TTC27: variants seen among roughly 807,000 people sequenced by gnomAD.
The protein encoded by TTC27 is tetratricopeptide repeat domain 27, also known as tetratricopeptide repeat protein 27.
A neutral mutation model predicts 115.9 loss-of-function variants in TTC27; 79 were observed. The ratio of observed to expected loss-of-function variants is 0.68; its 90% confidence interval spans 0.57 to 0.82. The LOEUF is 0.82. Among genes scored for constraint, TTC27 ranks in the 40% least tolerant of loss-of-function variants. TTC27 has a pLI of 0.00. For missense variants in TTC27, 1,054 were observed against 993.1 expected (o/e 1.06, Z -0.82); for synonymous variants, 401 against 356.0 (o/e 1.13, Z -1.42).
chr2:32,752,840 A>T (rs1669063802), intron 12 of TTC27, among the ~76,000 whole-genome samples: 1 of 152,114 alleles, frequency 6.6e-6, no homozygotes, highest in South Asian at 2.1e-4. Flanking sequence ...CTCTTTCATA[A>T]TCAGTGCCCT....
intron 14 of TTC27, 86 bp from the exon 15 acceptor site, chr2:32,782,540 C>G: frequency 8.6e-7 from 1 of 1,166,750 alleles, no homozygotes; most frequent in Non-Finnish European, 1.3e-6. Flanking sequence ...ATATATTGGA[C>G]TAGGAGAGTG....
At chr2:32,744,993 G>C (rs1303082092) in intron 12 of TTC27, among the ~76,000 whole-genome samples, 1 of 144,100 alleles carries the variant, frequency 6.9e-6, no homozygotes, top group Non-Finnish European at 1.5e-5. Flanking sequence ...GTTTGCAGTG[G>C]GCCAAGATCA....
At chr2:32,635,500 C>T (rs1321830624) in intron 3 of TTC27, among the ~76,000 whole-genome samples, 1 of 152,014 alleles carries the variant, frequency 6.6e-6, no homozygotes, top group Non-Finnish European at 1.5e-5. Context: ...GCCTGATCAA[C>T]ATGGTGAAAC....
rs3081615 is a variant in TTC27 at position 32,795,725 on chromosome 2, GTAT to G, written c.1998+8605_1998+8607del. ...ATGTCACCATGCCCGGCTAATTTTT[GTAT>G]TATTATTATTATTATTATTATTATT... On this transcript the variant is annotated intron_variant, in intron 16 of 19. Coordinates refer to ENST00000317907, the MANE Select transcript of TTC27 (RefSeq NM_017735.5). Among the ~76,000 whole-genome samples the G allele has an allele frequency of 8.0e-3, 1,104 of 138,676 alleles. 12 individuals carry two copies. Among genetic ancestry groups the G allele is most frequent in the African/African-American group, 0.028 (1,029 of 37,118 alleles). The allele number at this position is 138,676 out of a possible 152,430, so 91.0% of individuals were successfully genotyped here.
At chr2:32,716,657 A>G (rs758944024) in intron 10 of TTC27, among the ~76,000 whole-genome samples, 56 of 151,370 alleles carry the variant, frequency 3.7e-4, no homozygotes, top group Non-Finnish European at 5.6e-4. Flanking sequence ...TCTATATTCT[A>G]TTGGGTAATT....
intron 15 of TTC27, among the ~76,000 whole-genome samples, chr2:32,785,669 C>T (rs990506495): frequency 3.3e-5 from 5 of 152,176 alleles, no homozygotes; most frequent in Non-Finnish European, 5.9e-5. Flanking sequence ...GATCTCAGCG[C>T]ACTGCAACCT....
At chr2:32,764,128 C>G (rs1299452516) in intron 13 of TTC27, among the ~76,000 whole-genome samples, 1 of 152,086 alleles carries the variant, frequency 6.6e-6, no homozygotes, top group Non-Finnish European at 1.5e-5. Flanking sequence ...TTTTCCTTTA[C>G]TTTTGTCAGT....
chr2:32,728,779 T>TAA (rs1668197568), intron 10 of TTC27, among the ~76,000 whole-genome samples: 1 of 152,210 alleles, frequency 6.6e-6, no homozygotes, highest in African/African-American at 2.4e-5. Flanking sequence ...AGTTTAATGA[T>TAA]GGTGTTGATA....
chr2:32,652,183 C>T (rs1485844742), intron 5 of TTC27, among the ~76,000 whole-genome samples: 1 of 152,104 alleles, frequency 6.6e-6, no homozygotes, highest in Non-Finnish European at 1.5e-5. Flanking sequence ...ACCAGTCTGG[C>T]CAACATGGTG....
At chr2:32,715,623 GT>G (rs1667727665) in intron 10 of TTC27, among the ~76,000 whole-genome samples, 1 of 152,154 alleles carries the variant, frequency 6.6e-6, no homozygotes, top group African/African-American at 2.4e-5. Context: ...AAAATACCAT[GT>G]TTGTTACCGT....
chr2:32,673,456 A>C (rs1279408692), intron 8 of TTC27, among the ~76,000 whole-genome samples: 1 of 151,712 alleles, frequency 6.6e-6, no homozygotes, highest in Non-Finnish European at 1.5e-5. Context: ...CGAACTCCTG[A>C]CCTCAGCTGA....
intron 12 of TTC27, among the ~76,000 whole-genome samples, chr2:32,753,294 G>A (rs1016907219): frequency 3.9e-5 from 6 of 152,008 alleles, no homozygotes; most frequent in East Asian, 1.9e-4. Context: ...TTTGAAAGTC[G>A]CATAGTGTCA....
At chr2:32,714,001 T>C (rs1667670032) in intron 10 of TTC27, among the ~76,000 whole-genome samples, 2 of 149,938 alleles carry the variant, frequency 1.3e-5, no homozygotes, top group Admixed American at 6.7e-5. Context: ...CTCCCAATTA[T>C]AAGTGAGAGT....
chr2:32,723,866 C>T (rs761010907), intron 10 of TTC27, among the ~76,000 whole-genome samples: 3 of 150,898 alleles, frequency 2.0e-5, no homozygotes, highest in Non-Finnish European at 4.4e-5. Context: ...GTGGCATAAT[C>T]ATAGCTCACT....
chr2:32,791,521 G>A (rs1413179336), intron 16 of TTC27, among the ~76,000 whole-genome samples: 1 of 152,140 alleles, frequency 6.6e-6, no homozygotes, highest in Non-Finnish European at 1.5e-5. Flanking sequence ...GAAACCCAGA[G>A]AGCTTATATA....
chr2:32,785,658 C>T (rs967028511), intron 15 of TTC27, among the ~76,000 whole-genome samples: 2 of 151,386 alleles, frequency 1.3e-5, no homozygotes, highest in African/African-American at 2.4e-5. Context: ...TGCAGTGGCG[C>T]GATCTCAGCG....
At chr2:32,712,958 A>G (rs1256858967) in intron 10 of TTC27, among the ~76,000 whole-genome samples, 1 of 152,198 alleles carries the variant, frequency 6.6e-6, no homozygotes, top group East Asian at 1.9e-4. Context: ...TCCCCAATGC[A>G]AAAGTATTGA....
At position 32,736,765 on chromosome 2, in the gene TTC27, A is replaced by G. The variant is rs1466911926; in HGVS notation, c.1401A>G (p.Glu467=). The G allele has an allele frequency of 6.2e-7, 1 of 1,613,928 alleles. No homozygotes were observed. The highest frequency in any genetic ancestry group is 1.3e-5 in the African/African-American group (1 of 74,930). ...CCCTTCAGATATTTGAAAAGCTAGA[A>G]ATGTGGGAAGATGTTGTCATTTGTT... ...SSALQIFEKL[E]MWEDVVICYE... The change falls in exon 12 of 20, where the codon GAA becomes GAG. Residue 467 remains glutamate, a synonymous_variant. Coordinates refer to ENST00000317907, the MANE Select transcript of TTC27 (RefSeq NM_017735.5).
chr2:32,700,350 C>T (rs1006166991), intron 9 of TTC27, among the ~76,000 whole-genome samples: 2 of 152,120 alleles, frequency 1.3e-5, no homozygotes, highest in Admixed American at 1.3e-4. Context: ...CTCAATCTTT[C>T]ACTCTGCAGA....
Sources: allele counts gnomAD v4.1 joint callset (sites outside exome capture counted in the v4.1 genomes callset), GRCh38; gene constraint gnomAD v4.1.1; transcripts MANE v1.5; gene names NCBI Gene and HGNC (gene_info 2026-07-23, HGNC 2026-07-21).